ETS1: variants seen among roughly 807,000 people sequenced by gnomAD.
ETS1 encodes protein C-ets-1.
Under a neutral mutation model 58.6 loss-of-function variants are expected in ETS1, and 15 were observed. The observed-to-expected ratio is 0.26, with a 90% CI of 0.17 to 0.39. ETS1 has a LOEUF of 0.39. Ranked by LOEUF, ETS1 falls within the 10% of genes least tolerant of loss-of-function variation. ETS1 has a pLI of 1.00. For synonymous variants in ETS1, 214 were observed against 218.2 expected (o/e 0.98, Z 0.17); for missense variants, 417 against 610.5 (o/e 0.68, Z 3.34).
At chr11:128,570,979 TA>T (rs1386432236) in intron 2 of ETS1, among the ~76,000 whole-genome samples, 1 of 152,132 alleles carries the variant, frequency 6.6e-6, no homozygotes, top group Non-Finnish European at 1.5e-5. Flanking sequence ...TTTGTAAAAG[TA>T]AACGGTGCTT....
chr11:128,498,498 C>A (rs1863001087), intron 3 of ETS1, among the ~76,000 whole-genome samples: 1 of 152,196 alleles, frequency 6.6e-6, no homozygotes, highest in Admixed American at 6.5e-5. Flanking sequence ...CAATAAGCAT[C>A]TAAAATATGT....
At chr11:128,573,600 C>G (rs1299101568) in intron 1 of ETS1, among the ~76,000 whole-genome samples, 1 of 152,086 alleles carries the variant, frequency 6.6e-6, no homozygotes, top group South Asian at 2.1e-4. Context: ...AAAAAGCTCT[C>G]CTGAAGAGGT....
chr11:128,564,999 CATTAT>C (rs1210864230), intron 2 of ETS1, among the ~76,000 whole-genome samples: 1 of 147,986 alleles, frequency 6.8e-6, no homozygotes, highest in Non-Finnish European at 1.5e-5. Context: ...AATGAAAATA[CATTAT>C]AAGTTCTTAC....
intron 7 of ETS1, among the ~76,000 whole-genome samples, chr11:128,482,666 G>C (rs780740311): frequency 6.6e-6 from 1 of 152,144 alleles, no homozygotes; most frequent in Non-Finnish European, 1.5e-5. Context: ...CTGGTGCTGG[G>C]AACCTTCATT....
At chr11:128,577,915 C>CAAAAAAAAAA (rs543543374) in intron 1 of ETS1, among the ~76,000 whole-genome samples, 1 of 133,718 alleles carries the variant, frequency 7.5e-6, no homozygotes. Flanking sequence ...GCCAAAAAGC[C>CAAAAAAAAAA]AAAAAAAAAA....
At chr11:128,535,126 G>A (rs148150782) in intron 3 of ETS1, among the ~76,000 whole-genome samples, 142 of 152,280 alleles carry the variant, frequency 9.3e-4, no homozygotes, top group African/African-American at 3.3e-3. Context: ...CATTCTGACT[G>A]GCATGAGATG....
chr11:128,469,563 A>G (rs1231877780), intron 8 of ETS1, among the ~76,000 whole-genome samples: 1 of 152,162 alleles, frequency 6.6e-6, no homozygotes, highest in African/African-American at 2.4e-5. Flanking sequence ...CTAAATCACC[A>G]TTCACAAAGG....
At chr11:128,560,924 G>T (rs553088878) in intron 2 of ETS1, among the ~76,000 whole-genome samples, 3 of 152,186 alleles carry the variant, frequency 2.0e-5, no homozygotes, top group Admixed American at 2.0e-4. Flanking sequence ...TTAAGATTGA[G>T]TAAGATTTGC....
At chr11:128,567,094 A>T (rs1228836628) in intron 2 of ETS1, among the ~76,000 whole-genome samples, 3 of 152,226 alleles carry the variant, frequency 2.0e-5, no homozygotes, top group African/African-American at 7.2e-5. Context: ...TGTGACAGGG[A>T]GCTGCTCTGA....
chr11:128,484,418 G>A lies in ETS1; in HGVS notation c.862+405C>T, dbSNP rs1022813336. On this transcript the variant is annotated intron_variant, in intron 7 of 9. Coordinates refer to ENST00000392668, the MANE Select transcript of ETS1 (RefSeq NM_001143820.2). ...GTCAGACCCAGGAGTCCTCTGGGAG[G>A]AGCACCAGGACACATGCTAAGCTTA... is the stretch of plus-strand genomic sequence containing the variant. Among the ~76,000 whole-genome samples the A allele has an allele frequency of 6.6e-5, 10 of 152,278 alleles. No homozygotes were observed. In the East Asian group the frequency reaches 1.7e-3, roughly 26 times the overall value.
chr11:128,499,965 G>A (rs1863044217), intron 3 of ETS1, among the ~76,000 whole-genome samples: 1 of 152,234 alleles, frequency 6.6e-6, no homozygotes, highest in Admixed American at 6.5e-5. Flanking sequence ...CTGCACTTTT[G>A]AACTGTTTTC....
intron 3 of ETS1, among the ~76,000 whole-genome samples, chr11:128,553,905 A>G (rs1469667051): frequency 6.6e-6 from 1 of 152,136 alleles, no homozygotes; most frequent in Non-Finnish European, 1.5e-5. Context: ...GGAGGACGGG[A>G]AGGAAACTGA....
At chr11:128,487,934 G>A (rs1283593732) in intron 5 of ETS1, among the ~76,000 whole-genome samples, 1 of 152,074 alleles carries the variant, frequency 6.6e-6, no homozygotes, top group Non-Finnish European at 1.5e-5. Flanking sequence ...AAGCACTTTG[G>A]AAACAGGGAG....
At chr11:128,573,769 T>C (rs1864686511) in intron 1 of ETS1, among the ~76,000 whole-genome samples, 1 of 152,234 alleles carries the variant, frequency 6.6e-6, no homozygotes, top group Admixed American at 6.5e-5. Flanking sequence ...TTGAGCAATT[T>C]TCTGGCTGAA....
At chr11:128,532,246 A>G (rs1031025846) in intron 3 of ETS1, among the ~76,000 whole-genome samples, 1 of 152,210 alleles carries the variant, frequency 6.6e-6, no homozygotes, top group African/African-American at 2.4e-5. Context: ...TTAACTACCT[A>G]TGCTGACCAG....
intron 3 of ETS1, among the ~76,000 whole-genome samples, chr11:128,506,709 A>C (rs1167529102): frequency 2.0e-5 from 3 of 152,222 alleles, no homozygotes; most frequent in Admixed American, 1.3e-4. Context: ...AATCCTTGTG[A>C]GATGGAAGCC....
rs529494323 is a variant in ETS1, at chr11:128,578,675, G to A, written c.-14-5531C>T. On this transcript the variant is annotated intron_variant, in intron 1 of 9. Coordinates refer to ENST00000392668, the MANE Select transcript of ETS1 (RefSeq NM_001143820.2). The stretch of plus-strand genomic sequence containing the variant: ...TTAATCTATCTAAACGAACATAGAT[G>A]TCACACACACACACGTGATTACAAT... Among the ~76,000 whole-genome samples, 7 of 152,182 alleles carry A rather than the reference G, an allele frequency of 4.6e-5. No homozygotes were observed. In the South Asian group the frequency reaches 1.0e-3, roughly 23 times the overall value.
At chr11:128,519,794 C>T (rs1460210519) in intron 3 of ETS1, among the ~76,000 whole-genome samples, 1 of 152,154 alleles carries the variant, frequency 6.6e-6, no homozygotes, top group Non-Finnish European at 1.5e-5. Flanking sequence ...CAATTATTTA[C>T]CTTTCCTGTG....
In ETS1 at chr11:128,463,616, T is replaced by C. The variant is rs1328344597; in HGVS notation, c.1135A>G (p.Ile379Val). 1 of 1,585,134 alleles carries C rather than the reference T, an allele frequency of 6.3e-7. No homozygotes were observed. The highest frequency in any genetic ancestry group is 1.1e-5 in the South Asian group (1 of 90,530). ...TCCAGAAGAAACTGCCATAGCTGGA[T>C]TGGTCCACTGCCTAGAAACACAAGC... ...ALAGYTGSGP[I>V]QLWQFLLELL... The change falls in exon 9 of 10, where the codon ATC (isoleucine) becomes GTC (valine). Residue 379 changes from isoleucine to valine, a missense_variant. Transcript: ENST00000392668. The surrounding 1 kb of genome is among the most constrained non-coding windows in gnomAD (Gnocchi z 4.1).
Sources: gnomAD v4.1 joint callset for allele counts (sites outside exome capture counted in the v4.1 genomes callset) on GRCh38, gnomAD v4.1.1 for gene constraint, Gnocchi (gnomAD v3.1) non-coding constraint, MANE v1.5 for transcripts, NCBI Gene and HGNC (gene_info 2026-07-23, HGNC 2026-07-21) for gene names.